Variants in GNAT3 observed in about 807,000 individuals in gnomAD.
GNAT3 encodes guanine nucleotide-binding protein G(t) subunit alpha-3.
In GNAT3, 31 loss-of-function variants were observed where a neutral mutation model predicts 37.7. That is an observed-to-expected ratio of 0.82 (90% CI 0.62 to 1.11). The LOEUF is 1.11. Among genes scored for constraint, GNAT3 ranks in the 50% most tolerant of loss-of-function variants. The pLI is 0.00. For synonymous variants in GNAT3, 138 were observed against 139.8 expected (o/e 0.99, Z 0.09); for missense variants, 437 against 412.5 (o/e 1.06, Z -0.51).
intron 1 of GNAT3, among the ~76,000 whole-genome samples, chr7:80,495,553 T>C (rs750876461): frequency 1.3e-5 from 2 of 151,612 alleles, no homozygotes; most frequent in African/African-American, 2.4e-5. Flanking sequence ...CACTGCGACC[T>C]CCACCTCCTG....
At chr7:80,476,496 G>A (rs148783010) in intron 4 of GNAT3, among the ~76,000 whole-genome samples, 1,509 of 148,978 alleles carry the variant, frequency 0.01, 35 homozygotes, top group African/African-American at 0.036. Context: ...GATTATCCCT[G>A]CCATACCCCT....
intron 5 of GNAT3, among the ~76,000 whole-genome samples, chr7:80,466,537 G>GT (rs1790132927): frequency 1.3e-5 from 2 of 151,816 alleles, no homozygotes; most frequent in African/African-American, 4.8e-5. Context: ...TAATAGTTTT[G>GT]TTTTTTGGTG....
intron 1 of GNAT3, among the ~76,000 whole-genome samples, chr7:80,509,788 A>G (rs1031027902): frequency 1.3e-5 from 2 of 152,124 alleles, no homozygotes; most frequent in Non-Finnish European, 2.9e-5. Flanking sequence ...CCCAATTTTC[A>G]GTGATGTGTT....
intron 3 of GNAT3, among the ~76,000 whole-genome samples, chr7:80,481,932 C>T (rs1790397926): frequency 6.6e-6 from 1 of 152,180 alleles, no homozygotes; most frequent in South Asian, 2.1e-4. Context: ...CCACCTATGA[C>T]TGGAAGGTCC....
intron 5 of GNAT3, among the ~76,000 whole-genome samples, chr7:80,468,830 C>T (rs781357862): frequency 1.3e-5 from 2 of 152,090 alleles, no homozygotes; most frequent in African/African-American, 4.8e-5. Context: ...ATACTTTCTA[C>T]TAAATGTGTG....
intron 7 of GNAT3, among the ~76,000 whole-genome samples, chr7:80,459,736 A>C (rs191711538): frequency 1.3e-5 from 2 of 152,320 alleles, no homozygotes; most frequent in Non-Finnish European, 2.9e-5. Flanking sequence ...ACTTTCTAAA[A>C]AATAAGTCTT....
intron 1 of GNAT3, among the ~76,000 whole-genome samples, chr7:80,509,015 ATAAACT>A (rs1215977570): frequency 9.2e-5 from 14 of 152,118 alleles, no homozygotes; most frequent in South Asian, 6.2e-4. Context: ...GTACTCACTG[ATAAACT>A]TAAAAGTGTC....
intron 1 of GNAT3, among the ~76,000 whole-genome samples, chr7:80,495,954 C>T (rs1237424447): frequency 6.6e-6 from 1 of 152,044 alleles, no homozygotes; most frequent in Non-Finnish European, 1.5e-5. Flanking sequence ...GGGTATTAGT[C>T]CTTTGTTTGA....
chr7:80,466,825 T>C (rs755681559), intron 5 of GNAT3, among the ~76,000 whole-genome samples: 1 of 152,158 alleles, frequency 6.6e-6, no homozygotes, highest in Admixed American at 6.5e-5. Flanking sequence ...AGCCTACTAA[T>C]GATGTGTTAA....
chr7:80,496,814 T>C (rs1195459005), intron 1 of GNAT3, among the ~76,000 whole-genome samples: 1 of 152,186 alleles, frequency 6.6e-6, no homozygotes, highest in Non-Finnish European at 1.5e-5. Context: ...TGAACAGATA[T>C]AGCTACACCT....
chr7:80,507,628 A>G (rs1790973334), intron 1 of GNAT3, among the ~76,000 whole-genome samples: 1 of 152,024 alleles, frequency 6.6e-6, no homozygotes, highest in African/African-American at 2.4e-5. Context: ...CAGTTGATGA[A>G]GGTATTAATA....
chr7:80,478,787 A>T (rs1250374255), intron 4 of GNAT3, 54 bp downstream of exon 4: 2 of 1,545,212 alleles, frequency 1.3e-6, no homozygotes, highest in Admixed American at 3.5e-5. Context: ...CAGAATTATA[A>T]TTCTTAATTT....
chr7:80,478,690 C>T, intron 4 of GNAT3, 151 bp downstream of exon 4: 1 of 746,752 alleles, frequency 1.3e-6, no homozygotes, highest in Non-Finnish European at 2.1e-6. Context: ...TGTTCATTTT[C>T]ATTTCTCTTT....
chr7:80,507,636 A>G (rs565550670), intron 1 of GNAT3, among the ~76,000 whole-genome samples: 1 of 152,012 alleles, frequency 6.6e-6, no homozygotes, highest in African/African-American at 2.4e-5. Flanking sequence ...GAAGGTATTA[A>G]TAAATCAATT....
At chr7:80,488,001 G>A (rs543459717) in intron 3 of GNAT3, among the ~76,000 whole-genome samples, 168 of 152,044 alleles carry the variant, frequency 1.1e-3, no homozygotes, top group Non-Finnish European at 2.0e-3. Flanking sequence ...CTTACAAACG[G>A]AACTATGACT....
intron 1 of GNAT3, among the ~76,000 whole-genome samples, chr7:80,505,406 G>A (rs1248135075): frequency 1.3e-5 from 2 of 152,086 alleles, no homozygotes; most frequent in Non-Finnish European, 2.9e-5. Flanking sequence ...CTCACTCTGT[G>A]CCCAGGCTGG....
chr7:80,458,978 C>T, intron 7 of GNAT3, 117 bp from the exon 8 acceptor site: 1 of 679,476 alleles, frequency 1.5e-6, no homozygotes. Flanking sequence ...ATTGCAAAAT[C>T]ATAAAGGCAA....
At chr7:80,490,618 TA>T (rs1790573711) in intron 2 of GNAT3, among the ~76,000 whole-genome samples, 1 of 152,162 alleles carries the variant, frequency 6.6e-6, no homozygotes, top group East Asian at 1.9e-4. Context: ...TATGAGCAAA[TA>T]GATGCTCACA....
rs933173816 is a variant in GNAT3 at position 80,462,177 on chromosome 7, A to C, written c.856T>G (p.Cys286Gly). 3 of 1,572,342 alleles carry C rather than the reference A, an allele frequency of 1.9e-6. No homozygotes were observed. The highest frequency in any genetic ancestry group is 2.6e-6 in the Non-Finnish European group (3 of 1,156,938). Residue 286 changes from cysteine to glycine, a missense_variant, in exon 7 of 8, where the codon TGC becomes GGC. Cys to Gly is a radical substitution (Grantham distance 159, BLOSUM62 -3). Transcript: ENST00000398291. Reference sequence around the variant, plus strand: ...ATCTTACCAGTGTATTCTGGAAAGCAGATACTAAGATGCACCTTGGTTACC... The same window carrying C: ...ATCTTACCAGTGTATTCTGGAAAGCCGATACTAAGATGCACCTTGGTTACC... ...EKVTKVHLSI[C>G]FPEYTGPNTF...
Sources: allele counts gnomAD v4.1 joint callset (sites outside exome capture counted in the v4.1 genomes callset), GRCh38; gene constraint gnomAD v4.1.1; transcripts MANE v1.5; gene names NCBI Gene and HGNC (gene_info 2026-07-23, HGNC 2026-07-21).